RAD18: variants seen among roughly 807,000 people sequenced by gnomAD.
The protein encoded by RAD18 is RAD18 E3 ubiquitin protein ligase.
In RAD18, 47 loss-of-function variants were observed where a neutral mutation model predicts 60.4. That is an observed-to-expected ratio of 0.78 (90% CI 0.62 to 0.99). RAD18 has a LOEUF of 0.99. Ranked by LOEUF, RAD18 falls within the 50% of genes least tolerant of loss-of-function variation. RAD18 has a pLI of 0.00. For missense variants in RAD18, 640 were observed against 593.3 expected, an observed-to-expected ratio of 1.08 and a Z score of -0.82; for synonymous variants, 225 against 195.5, an observed-to-expected ratio of 1.15 and a Z score of -1.26.
intron 11 of RAD18, among the ~76,000 whole-genome samples, chr3:8,897,481 A>T (rs1424216904): frequency 6.6e-6 from 1 of 152,192 alleles, no homozygotes; most frequent in East Asian, 1.9e-4. Flanking sequence ...AGCAAGGCCA[A>T]ATCTATGTAA....
intron 9 of RAD18, among the ~76,000 whole-genome samples, chr3:8,907,852 G>A (rs1045224925): frequency 6.6e-6 from 1 of 152,176 alleles, no homozygotes; most frequent in Admixed American, 6.5e-5. Context: ...GAAAGGGCAG[G>A]GGCTAGGACA....
chr3:8,943,948 G>C (rs1250046138), intron 4 of RAD18, among the ~76,000 whole-genome samples: 4 of 152,068 alleles, frequency 2.6e-5, no homozygotes, highest in Non-Finnish European at 5.9e-5. Flanking sequence ...CCAAAGAAGA[G>C]AGAAACTAAT....
At chr3:8,915,161 A>AAAAG (rs1314190124) in intron 7 of RAD18, among the ~76,000 whole-genome samples, 41 of 150,002 alleles carry the variant, frequency 2.7e-4, no homozygotes, top group Non-Finnish European at 5.0e-4. Context: ...AAAAAAAAAA[A>AAAAG]AAAGAAAACT....
intron 7 of RAD18, among the ~76,000 whole-genome samples, chr3:8,935,645 G>A (rs1575555184): frequency 6.6e-6 from 1 of 152,296 alleles, no homozygotes; most frequent in East Asian, 1.9e-4. Context: ...ATGAGAAACT[G>A]GCAATGGGGT....
intron 9 of RAD18, among the ~76,000 whole-genome samples, chr3:8,904,380 T>C (rs1441629615): frequency 1.3e-5 from 2 of 152,188 alleles, no homozygotes; most frequent in African/African-American, 4.8e-5. Context: ...ACATGAATAT[T>C]GACAGGCACA....
chr3:8,889,683 G>A (rs965023531), intron 12 of RAD18, among the ~76,000 whole-genome samples: 2 of 152,148 alleles, frequency 1.3e-5, no homozygotes, highest in East Asian at 3.9e-4. Context: ...ATATGATGAA[G>A]CAGAGAGAAT....
In RAD18 at chr3:8,948,556, T is replaced by C; in HGVS notation, c.148A>G (p.Ile50Val). 3.7e-6 allele frequency: 6 copies of C among 1,612,550 alleles called. No individual in the cohort carries two copies. The highest frequency in any genetic ancestry group is 4.2e-6 in the Non-Finnish European group (5 of 1,178,872). ...QCSHNYCSLC[I>V]RKFLSYKTQC... Reference sequence around the variant, plus strand: ...GTTTTATAGGACAGAAATTTTCTTATACAGAGAGAGCAGTCTGCAAAACAC... The same window carrying C: ...GTTTTATAGGACAGAAATTTTCTTACACAGAGAGAGCAGTCTGCAAAACAC... Residue 50 changes from isoleucine (I) to valine (V), a missense_variant, in exon 3 of 13, where the codon ATA becomes GTA. By Grantham distance (29) the Ile-to-Val change is conservative. Coordinates refer to ENST00000264926, the MANE Select transcript of RAD18 (RefSeq NM_020165.4).
intron 7 of RAD18, among the ~76,000 whole-genome samples, chr3:8,916,787 A>T (rs1940208146): frequency 6.6e-6 from 1 of 152,158 alleles, no homozygotes; most frequent in African/African-American, 2.4e-5. Context: ...ATCCAATCTG[A>T]AACACAGAGA....
At chr3:8,938,359 A>G (rs766516302) in intron 6 of RAD18, among the ~76,000 whole-genome samples, 1 of 152,270 alleles carries the variant, frequency 6.6e-6, no homozygotes, top group Middle Eastern at 3.4e-3. Flanking sequence ...CTCCAAATTT[A>G]CTCATAAAAA....
intron 1 of RAD18, 135 bp downstream of exon 1, chr3:8,963,200 G>T: frequency 1.0e-6 from 1 of 993,320 alleles, no homozygotes; most frequent in Non-Finnish European, 1.4e-6. Flanking sequence ...CTAGTGGCAG[G>T]GCAGAGCCGG....
At chr3:8,928,254 A>G (rs473836) in intron 7 of RAD18, among the ~76,000 whole-genome samples, 64,619 of 151,850 alleles carry the variant, frequency 0.43, 17,501 homozygotes, top group African/African-American at 0.76. Context: ...TAATCCAAAA[A>G]AAAGCAGGAA....
In RAD18 at chr3:8,941,530, C is replaced by G; in HGVS notation, c.541G>C (p.Asp181His). 6.2e-7 allele frequency: 1 copy of G among 1,614,054 alleles called. No homozygotes were observed. The highest frequency in any genetic ancestry group is 8.5e-7 in the Non-Finnish European group (1 of 1,179,982). ...TCAGGACGCTTAGCCTCTGAGGGAT[C>G]TGGAGCGATCTCTTCTACAGAACGT... ...ETRSVEEIAP[D>H]PSEAKRPEPP... Residue 181 changes from aspartate (D) to histidine (H), a missense_variant, in exon 5 of 13, where the codon GAT becomes CAT. Asp to His is a moderately conservative substitution (Grantham distance 81). Transcript: ENST00000264926.
chr3:8,914,779 T>C (rs1203750065), intron 7 of RAD18, among the ~76,000 whole-genome samples: 1 of 152,166 alleles, frequency 6.6e-6, no homozygotes, highest in South Asian at 2.1e-4. Context: ...ATTTGCATTC[T>C]ATCCAATCCA....
intron 5 of RAD18, among the ~76,000 whole-genome samples, chr3:8,940,925 T>C (rs1222088542): frequency 6.6e-6 from 1 of 152,178 alleles, no homozygotes; most frequent in African/African-American, 2.4e-5. Context: ...GTATGTGAAC[T>C]TTTATTTACA....
Position 8,902,411 on chromosome 3 carries a change from T to G in RAD18, c.1137A>C (p.Glu379Asp). The G allele has an allele frequency of 6.2e-7, 1 of 1,608,822 alleles. No individual in the cohort carries two copies. The highest frequency in any genetic ancestry group is 8.5e-7 in the Non-Finnish European group (1 of 1,177,032). ...ATACAGAAGATAGCTTTTCTGTAGA[T>G]TCATCTTCTTTTGTTATTGTTACTG... Reference protein sequence around the residue: ...QKTVTITKEDESTEKLSSVCM... With the variant: ...QKTVTITKEDDSTEKLSSVCM... Residue 379 changes from glutamate (E) to aspartate (D), a missense_variant, in exon 10 of 13, where the codon GAA (glutamate) becomes GAC (aspartate). By Grantham distance (45) the Glu-to-Asp change is conservative. Coordinates refer to ENST00000264926, the MANE Select transcript of RAD18 (RefSeq NM_020165.4).
intron 6 of RAD18, among the ~76,000 whole-genome samples, chr3:8,938,418 T>C (rs1197972109): frequency 1.3e-5 from 2 of 152,212 alleles, no homozygotes; most frequent in Non-Finnish European, 2.9e-5. Context: ...TATGGCTCTG[T>C]CTTATTAACA....
At chr3:8,955,692 G>A (rs1190979933) in intron 2 of RAD18, among the ~76,000 whole-genome samples, 1 of 152,232 alleles carries the variant, frequency 6.6e-6, no homozygotes, top group Non-Finnish European at 1.5e-5. Flanking sequence ...ACCATGGACA[G>A]ACACATGAGA....
At chr3:8,913,346 C>A (rs1171751211) in intron 8 of RAD18, among the ~76,000 whole-genome samples, 2 of 152,148 alleles carry the variant, frequency 1.3e-5, no homozygotes, top group Non-Finnish European at 2.9e-5. Flanking sequence ...TTAGAGGTAG[C>A]TTATCAAACA....
intron 9 of RAD18, among the ~76,000 whole-genome samples, chr3:8,903,017 C>A (rs1311645340): frequency 6.6e-6 from 1 of 151,000 alleles, no homozygotes; most frequent in Non-Finnish European, 1.5e-5. Flanking sequence ...CAGGGCAAGA[C>A]TCTGTCTCAA....
Sources: gnomAD v4.1 joint callset for allele counts (sites outside exome capture counted in the v4.1 genomes callset) on GRCh38, gnomAD v4.1.1 for gene constraint, MANE v1.5 for transcripts, NCBI Gene and HGNC (gene_info 2026-07-23, HGNC 2026-07-21) for gene names.